The following MAL2 variants were observed in gnomAD, a reference collection of about 807,000 sequenced individuals.
MAL2 encodes the protein protein MAL2.
A neutral mutation model predicts 18.1 loss-of-function variants in MAL2; 17 were observed. That is an observed-to-expected ratio of 0.94 (90% CI 0.64 to 1.41). The LOEUF is 1.41. Ranked by LOEUF, MAL2 falls within the 40% of genes most tolerant of loss-of-function variation. The pLI, the probability that MAL2 is intolerant of heterozygous loss-of-function variation, is 0.00. For synonymous variants in MAL2, 102 were observed against 102.3 expected (o/e 1.00, Z 0.02); for missense variants, 222 against 231.9 (o/e 0.96, Z 0.28).
intron 2 of MAL2, among the ~76,000 whole-genome samples, chr8:119,224,662 C>G (rs1415662585): frequency 6.6e-6 from 1 of 151,854 alleles, no homozygotes; most frequent in Non-Finnish European, 1.5e-5. Context: ...TACATTGTAC[C>G]CAACATGTAG....
chr8:119,233,653 A>G (rs1032551039), intron 2 of MAL2, among the ~76,000 whole-genome samples: 5 of 152,152 alleles, frequency 3.3e-5, no homozygotes, highest in Admixed American at 3.3e-4. Context: ...GAATAGACCA[A>G]TAACAGGCTC....
At chr8:119,214,915 C>T (rs1222047273) in intron 1 of MAL2, among the ~76,000 whole-genome samples, 1 of 152,182 alleles carries the variant, frequency 6.6e-6, no homozygotes, top group Non-Finnish European at 1.5e-5. Flanking sequence ...TGCTGCCTTG[C>T]ATCTCTAATG....
At position 119,228,050 on chromosome 8, in the gene MAL2, A is replaced by G. The variant is rs574228599; in HGVS notation, c.303+6293A>G. ...AGAGACTTCCAAGAAGACCTCAAGT[A>G]GATCACCTGAGGTCTACATATAATT... On this transcript the variant is annotated intron_variant, in intron 2 of 3. Coordinates refer to ENST00000614891, the MANE Select transcript of MAL2 (RefSeq NM_052886.3). Among the ~76,000 whole-genome samples the G allele has an allele frequency of 3.9e-5, 6 of 152,278 alleles. No homozygotes were observed. In the South Asian group the frequency reaches 1.2e-3, roughly 32 times the overall value.
intron 1 of MAL2, among the ~76,000 whole-genome samples, chr8:119,213,894 T>C (rs543841535): frequency 1.4e-4 from 21 of 152,262 alleles, no homozygotes; most frequent in African/African-American, 5.1e-4. Flanking sequence ...TGCCAGAGAT[T>C]ATTATCAACA....
chr8:119,239,228 T>C (rs1344631793), intron 2 of MAL2, among the ~76,000 whole-genome samples: 5 of 152,080 alleles, frequency 3.3e-5, no homozygotes, highest in East Asian at 3.9e-4. Flanking sequence ...CAATGAGATA[T>C]CATCTCATAC....
intron 2 of MAL2, among the ~76,000 whole-genome samples, chr8:119,224,652 T>C (rs1019437821): frequency 6.6e-6 from 1 of 152,166 alleles, no homozygotes; most frequent in African/African-American, 2.4e-5. Flanking sequence ...CCGAGTAGTA[T>C]ACATTGTACC....
In MAL2 at chr8:119,244,963, T is replaced by C. The variant is rs907751404; in HGVS notation, c.*1475T>C. 1 of 152,560 alleles carries C rather than the reference T, an allele frequency of 6.6e-6. No homozygotes were observed. The highest frequency in any genetic ancestry group is 6.6e-5 in the Admixed American group (1 of 15,264). The allele number at this position is 152,560 out of a possible 1,614,324, so 9.5% of individuals were successfully genotyped here. A position where few individuals can be genotyped will look rare whatever the true frequency, so the allele number is the denominator to read the frequency against. ...GCTGAAGCATCCCCTTGGAGTGCCA[T>C]GTATAAGTTGGGCTATTAGAGTTCA... On this transcript the variant is annotated 3_prime_UTR_variant, in exon 4 of 4. Transcript: ENST00000614891.
intron 2 of MAL2, among the ~76,000 whole-genome samples, chr8:119,232,790 C>T (rs956372120): frequency 1.2e-4 from 19 of 152,036 alleles, no homozygotes; most frequent in African/African-American, 1.7e-4. Context: ...TATGTTATGG[C>T]TTTTTTATAT....
At chr8:119,224,424 G>A (rs1244628770) in intron 2 of MAL2, 1 of 152,102 alleles carries the variant, frequency 6.6e-6, no homozygotes, top group Non-Finnish European at 1.5e-5. Flanking sequence ...TAGAAAAATA[G>A]AGCTATTTAA....
At chr8:119,219,550 T>A (rs35867848) in intron 1 of MAL2, among the ~76,000 whole-genome samples, 125 of 90,844 alleles carry the variant, frequency 1.4e-3, no homozygotes, top group Non-Finnish European at 2.1e-3. Context: ...TGTGTGTGTG[T>A]GTGTGAGAGA....
chr8:119,213,386 G>T (rs1478804910), intron 1 of MAL2, among the ~76,000 whole-genome samples: 2 of 99,350 alleles, frequency 2.0e-5, no homozygotes, highest in Admixed American at 2.0e-4. Context: ...CCTGGAAAAT[G>T]TTGACTGTGA....
At chr8:119,237,020 G>C (rs1817917721) in intron 2 of MAL2, among the ~76,000 whole-genome samples, 3 of 151,728 alleles carry the variant, frequency 2.0e-5, no homozygotes, top group African/African-American at 4.9e-5. Context: ...TTTTTGAAAG[G>C]ATCAACAAAA....
chr8:119,225,348 T>C (rs369111476), intron 2 of MAL2, among the ~76,000 whole-genome samples: 2 of 150,764 alleles, frequency 1.3e-5, no homozygotes, highest in Non-Finnish European at 1.5e-5. Context: ...TCAATTCCCA[T>C]CTATGAGTGA....
chr8:119,241,821 A>T (rs976188681), intron 3 of MAL2, among the ~76,000 whole-genome samples: 2 of 152,206 alleles, frequency 1.3e-5, no homozygotes, highest in South Asian at 4.1e-4. Context: ...TATTTAATCA[A>T]TTCTTACCTA....
intron 1 of MAL2, among the ~76,000 whole-genome samples, chr8:119,219,905 A>C (rs1817435825): frequency 6.6e-6 from 1 of 152,204 alleles, no homozygotes; most frequent in Non-Finnish European, 1.5e-5. Context: ...GCTCAAGATT[A>C]GATGTGAGTG....
At chr8:119,238,715 C>T (rs1035644408) in intron 2 of MAL2, among the ~76,000 whole-genome samples, 1 of 150,300 alleles carries the variant, frequency 6.7e-6, no homozygotes, top group Admixed American at 6.6e-5. Context: ...GGAAAACTGG[C>T]TAGCCATATG....
intron 2 of MAL2, among the ~76,000 whole-genome samples, chr8:119,230,118 G>T (rs1387125154): frequency 6.6e-6 from 1 of 152,160 alleles, no homozygotes; most frequent in Non-Finnish European, 1.5e-5. Flanking sequence ...TCTAGTACCA[G>T]GAGCTACTTT....
At chr8:119,238,348 T>G (rs79752803) in intron 2 of MAL2, among the ~76,000 whole-genome samples, 4 of 152,316 alleles carry the variant, frequency 2.6e-5, no homozygotes, top group African/African-American at 9.6e-5. Context: ...ATGGCCATAC[T>G]GCCCAAGGTA....
intron 2 of MAL2, among the ~76,000 whole-genome samples, chr8:119,225,245 T>C (rs1012584342): frequency 3.9e-5 from 6 of 152,166 alleles, no homozygotes; most frequent in Non-Finnish European, 7.3e-5. Context: ...ACATCAGGTA[T>C]ATCTCCTAAT....
Sources: gnomAD v4.1 joint callset for allele counts (sites outside exome capture counted in the v4.1 genomes callset) on GRCh38, gnomAD v4.1.1 for gene constraint, MANE v1.5 for transcripts, NCBI Gene and HGNC (gene_info 2026-07-23, HGNC 2026-07-21) for gene names.